The following ROBO1 variants were observed in gnomAD, a reference collection of about 807,000 sequenced individuals.
ROBO1 encodes the protein roundabout homolog 1.
ROBO1 carries 149 observed loss-of-function variants against 195.9 expected under a neutral mutation model. The ratio of observed to expected loss-of-function variants is 0.76; its 90% confidence interval spans 0.67 to 0.87. The LOEUF (loss-of-function observed/expected upper bound fraction) is 0.87, where lower values mean the gene tolerates loss of function less well. Among genes scored for constraint, ROBO1 ranks in the 40% least tolerant of loss-of-function variants. ROBO1 has a pLI of 0.00. For missense variants in ROBO1, 1,933 were observed against 2,068.3 expected (o/e 0.93, Z 1.27); for synonymous variants, 816 against 733.2 (o/e 1.11, Z -1.82).
chr3:78,925,863 G>A (rs1474661006), intron 4 of ROBO1, among the ~76,000 whole-genome samples: 1 of 151,810 alleles, frequency 6.6e-6, no homozygotes, highest in Non-Finnish European at 1.5e-5. Context: ...GCTGAACTCT[G>A]AAGCAAAATG....
At chr3:79,658,994 C>G (rs772597652) in intron 1 of ROBO1, among the ~76,000 whole-genome samples, 3 of 152,000 alleles carry the variant, frequency 2.0e-5, no homozygotes, top group South Asian at 2.1e-4. Context: ...CTCAGACTCC[C>G]AAAGTGCCAG....
At chr3:79,615,735 C>A (rs1256735777) in intron 1 of ROBO1, among the ~76,000 whole-genome samples, 2 of 152,118 alleles carry the variant, frequency 1.3e-5, no homozygotes, top group Non-Finnish European at 2.9e-5. Context: ...TAGACCCAGA[C>A]AAATACAGAC....
At chr3:79,104,209 A>C (rs1374512184) in intron 3 of ROBO1, among the ~76,000 whole-genome samples, 1 of 151,808 alleles carries the variant, frequency 6.6e-6, no homozygotes, top group Non-Finnish European at 1.5e-5. Flanking sequence ...TAGTATTTCA[A>C]GGAGTCATGA....
At chr3:78,660,023 C>T (rs1166144761) in intron 16 of ROBO1, 10 of 307,820 alleles carry the variant, frequency 3.2e-5, no homozygotes, top group East Asian at 1.2e-4. Flanking sequence ...CGGGTTCAAG[C>T]GATTCTCCTG....
rs143804149 is a variant in ROBO1 at position 79,228,949 on chromosome 3, C to T, written c.89-103410G>A. Among the ~76,000 whole-genome samples, 333 of 152,188 alleles carry T rather than the reference C, an allele frequency of 2.2e-3. 1 individual carries two copies. The highest frequency in any genetic ancestry group is 7.7e-3 in the African/African-American group (318 of 41,554). On this transcript the variant is annotated intron_variant, in intron 2 of 30. Coordinates refer to ENST00000464233, the MANE Select transcript of ROBO1 (RefSeq NM_002941.4). ...GTGAACCCCAAAGCCAATGCAATCT[C>T]TTCATTTCTTAAAGTATTTTAACAA...
intron 4 of ROBO1, among the ~76,000 whole-genome samples, chr3:78,830,005 G>A (rs1036357682): frequency 1.3e-5 from 2 of 152,144 alleles, no homozygotes; most frequent in Non-Finnish European, 2.9e-5. Context: ...TTATATAGCC[G>A]TAATAGGTGT....
intron 2 of ROBO1, among the ~76,000 whole-genome samples, chr3:79,415,386 A>G (rs1237364122): frequency 1.3e-5 from 2 of 152,106 alleles, no homozygotes; most frequent in Non-Finnish European, 1.5e-5. Context: ...TAACCATGGG[A>G]CTTAATTTAA....
intron 5 of ROBO1, among the ~76,000 whole-genome samples, chr3:78,742,329 A>G (rs966986348): frequency 6.6e-6 from 1 of 152,214 alleles, no homozygotes; most frequent in Non-Finnish European, 1.5e-5. Context: ...TACAAAGCTT[A>G]GGAAAGAAGA....
chr3:79,023,988 G>A (rs754964545), intron 3 of ROBO1, among the ~76,000 whole-genome samples: 9 of 151,896 alleles, frequency 5.9e-5, no homozygotes, highest in Non-Finnish European at 1.2e-4. Context: ...GGGATTACAG[G>A]CGTGAGCCAC....
intron 2 of ROBO1, among the ~76,000 whole-genome samples, chr3:79,198,520 G>C (rs147774721): frequency 0.094 from 14,236 of 152,036 alleles, 1,177 homozygotes; most frequent in African/African-American, 0.22. Context: ...TGGCTATGAG[G>C]GGTCTTTTTT....
At chr3:79,186,891 C>T (rs1041343234) in intron 2 of ROBO1, among the ~76,000 whole-genome samples, 1 of 152,124 alleles carries the variant, frequency 6.6e-6, no homozygotes, top group Non-Finnish European at 1.5e-5. Flanking sequence ...TGCTCAAATA[C>T]AGGACTGGGA....
At chr3:79,569,455 C>T (rs899301461) in intron 2 of ROBO1, among the ~76,000 whole-genome samples, 3 of 152,086 alleles carry the variant, frequency 2.0e-5, no homozygotes, top group African/African-American at 7.2e-5. Flanking sequence ...AAGGTGAGAT[C>T]ATAGTTGCTA....
At chr3:79,215,747 T>C (rs1349452533) in intron 2 of ROBO1, among the ~76,000 whole-genome samples, 1 of 152,216 alleles carries the variant, frequency 6.6e-6, no homozygotes, top group African/African-American at 2.4e-5. Flanking sequence ...TCTGCCTGTT[T>C]TGGTAACACT....
intron 4 of ROBO1, among the ~76,000 whole-genome samples, chr3:78,898,070 T>C (rs2037346101): frequency 6.6e-6 from 1 of 151,068 alleles, no homozygotes; most frequent in Non-Finnish European, 1.5e-5. Context: ...CAACAGTATC[T>C]CTGATGTTTT....
At chr3:79,519,654 A>C (rs1473169316) in intron 2 of ROBO1, among the ~76,000 whole-genome samples, 1 of 150,524 alleles carries the variant, frequency 6.6e-6, no homozygotes, top group Non-Finnish European at 1.5e-5. Flanking sequence ...AAAAAAGAAA[A>C]GAAAAAAGAA....
At chr3:79,494,514 A>G (rs1468266767) in intron 2 of ROBO1, among the ~76,000 whole-genome samples, 2 of 152,148 alleles carry the variant, frequency 1.3e-5, no homozygotes, top group Non-Finnish European at 2.9e-5. Context: ...CAAAGGATGA[A>G]AAGTGAACTA....
At chr3:79,555,277 G>T (rs529810002) in intron 2 of ROBO1, among the ~76,000 whole-genome samples, 46 of 152,212 alleles carry the variant, frequency 3.0e-4, no homozygotes, top group African/African-American at 9.6e-4. Flanking sequence ...TCTTAGTTGA[G>T]TGAAATGCTA....
chr3:79,301,815 T>C (rs1052716197), intron 2 of ROBO1, among the ~76,000 whole-genome samples: 1 of 152,184 alleles, frequency 6.6e-6, no homozygotes, highest in Non-Finnish European at 1.5e-5. Context: ...TTGTGCAATA[T>C]TGGGCTGTGA....
chr3:78,778,091 T>C (rs545411068), intron 4 of ROBO1, among the ~76,000 whole-genome samples: 1 of 152,188 alleles, frequency 6.6e-6, no homozygotes, highest in Non-Finnish European at 1.5e-5. Context: ...ATTGAGATAA[T>C]CATTTGGTTT....
Sources: allele counts gnomAD v4.1 joint callset (sites outside exome capture counted in the v4.1 genomes callset), GRCh38; gene constraint gnomAD v4.1.1; transcripts MANE v1.5; gene names NCBI Gene and HGNC (gene_info 2026-07-23, HGNC 2026-07-21).